TLK1: variants seen among roughly 807,000 people sequenced by gnomAD.
TLK1 encodes tousled like kinase 1.
A neutral mutation model predicts 105.3 loss-of-function variants in TLK1; 24 were observed. That is an observed-to-expected ratio of 0.23 (90% CI 0.17 to 0.32). TLK1 has a LOEUF of 0.32. Ranked by LOEUF, TLK1 falls within the 10% of genes least tolerant of loss-of-function variation. The pLI, the probability that TLK1 is intolerant of heterozygous loss-of-function variation, is 1.00. For missense variants in TLK1, 558 were observed against 910.5 expected (o/e 0.61, Z 4.98); for synonymous variants, 321 against 310.4 (o/e 1.03, Z -0.36).
chr2:171,024,600 T>C (rs1685688460), intron 12 of TLK1, among the ~76,000 whole-genome samples: 2 of 152,288 alleles, frequency 1.3e-5, no homozygotes, highest in Admixed American at 6.5e-5. Context: ...AAGAATCAAC[T>C]TACTATTAAT....
intron 6 of TLK1, 27 bp from the exon 7 acceptor site, chr2:171,055,199 T>C: frequency 1.8e-6 from 2 of 1,109,864 alleles, no homozygotes; most frequent in Non-Finnish European, 2.4e-6. Context: ...AATTTTTATA[T>C]TAGCAAAAAA....
chr2:171,047,873 C>T (rs914002975), intron 10 of TLK1, among the ~76,000 whole-genome samples: 13 of 152,252 alleles, frequency 8.5e-5, no homozygotes, highest in Admixed American at 7.2e-4. Context: ...CAATTATAAA[C>T]GGCTTGATAT....
intron 12 of TLK1, among the ~76,000 whole-genome samples, chr2:171,018,337 T>A (rs1685305834): frequency 6.6e-6 from 1 of 152,260 alleles, no homozygotes. Flanking sequence ...AGGTGCCCAG[T>A]CTGATATTTT....
intron 1 of TLK1, among the ~76,000 whole-genome samples, chr2:171,132,830 A>G (rs1346213540): frequency 3.3e-5 from 5 of 152,224 alleles, no homozygotes; most frequent in African/African-American, 1.2e-4. Flanking sequence ...ACGCCACTGC[A>G]TTCCAGCCTA....
intron 14 of TLK1, among the ~76,000 whole-genome samples, chr2:171,011,104 T>C (rs1684895878): frequency 6.6e-6 from 1 of 152,110 alleles, no homozygotes; most frequent in Admixed American, 6.5e-5. Context: ...TCCTGGACTC[T>C]GCAATACTCC....
chr2:171,205,470 A>G (rs1157998250), intron 1 of TLK1, among the ~76,000 whole-genome samples: 1 of 152,010 alleles, frequency 6.6e-6, no homozygotes, highest in Non-Finnish European at 1.5e-5. Context: ...CTACAGGTGC[A>G]TGCCACTACA....
intron 2 of TLK1, among the ~76,000 whole-genome samples, 154 bp from the exon 3 acceptor site, chr2:171,083,006 T>C (rs1364006909): frequency 6.6e-6 from 1 of 152,128 alleles, no homozygotes; most frequent in Non-Finnish European, 1.5e-5. Flanking sequence ...GAGGTAAAAA[T>C]AAGAAATACT....
Position 170,992,727 on chromosome 2 carries a change from G to T in TLK1, c.*1053C>A, listed in dbSNP as rs1178401636. 2.6e-5 allele frequency: 4 copies of T among 152,362 alleles called. No homozygotes were observed. The highest frequency in any genetic ancestry group is 9.7e-5 in the African/African-American group (4 of 41,372). The allele number at this position is 152,362 out of a possible 1,614,324, so 9.4% of individuals were successfully genotyped here. ...TGTACAGTCAACTTGCACCTTCTAGGTCATTTAATTTTTTAGCAAAGAAGC... is the reference window on the plus strand; with the variant it reads ...TGTACAGTCAACTTGCACCTTCTAGTTCATTTAATTTTTTAGCAAAGAAGC... On this transcript the variant is annotated 3_prime_UTR_variant, in exon 21 of 21. Transcript: ENST00000431350.
chr2:171,228,470 G>A (rs1339017050), intron 1 of TLK1, among the ~76,000 whole-genome samples: 1 of 152,192 alleles, frequency 6.6e-6, no homozygotes, highest in East Asian at 1.9e-4. Flanking sequence ...AGGACTGCTT[G>A]AGCCCAGGAG....
chr2:171,156,066 A>G (rs1692220635), intron 1 of TLK1, among the ~76,000 whole-genome samples: 1 of 152,176 alleles, frequency 6.6e-6, no homozygotes, highest in African/African-American at 2.4e-5. Context: ...ATATGCTTTC[A>G]CATTGTCAGT....
At chr2:171,016,362 G>A (rs1431760351) in intron 12 of TLK1, among the ~76,000 whole-genome samples, 2 of 152,068 alleles carry the variant, frequency 1.3e-5, no homozygotes, top group East Asian at 1.9e-4. Context: ...CTGAACTCCC[G>A]AGCTCAACGG....
chr2:171,011,534 T>C, intron 13 of TLK1, 80 bp from the exon 14 acceptor site: 2 of 1,134,582 alleles, frequency 1.8e-6, no homozygotes, highest in African/African-American at 1.6e-5. Context: ...TACTCTCTTA[T>C]TCTATTCCTA....
chr2:171,008,283 G>C (rs1684737671), intron 14 of TLK1, among the ~76,000 whole-genome samples: 1 of 152,102 alleles, frequency 6.6e-6, no homozygotes, highest in African/African-American at 2.4e-5. Flanking sequence ...AGGATTAAAT[G>C]GGGGTAAAAC....
chr2:171,192,780 T>G (rs141190255), intron 1 of TLK1, among the ~76,000 whole-genome samples: 3 of 152,316 alleles, frequency 2.0e-5, no homozygotes, highest in Non-Finnish European at 4.4e-5. Flanking sequence ...AGGTTAGAGA[T>G]AGTTTAAGAG....
At chr2:171,006,334 CT>C in intron 17 of TLK1, 52 bp from the exon 18 acceptor site, 1 of 1,501,192 alleles carries the variant, frequency 6.7e-7, no homozygotes, top group Non-Finnish European at 8.9e-7. Context: ...AAAAACATAA[CT>C]TTAATAACTT....
rs767298541 is a variant in TLK1 at position 171,160,241 on chromosome 2, G to A, written c.139+49C>T. 171 of 1,339,580 alleles carry A rather than the reference G, an allele frequency of 1.3e-4. 3 individuals are homozygous for A. Among genetic ancestry groups the A allele is most frequent in the Non-Finnish European group, 1.5e-4 (155 of 1,044,924 alleles). 83.0% of individuals were successfully genotyped at this position (1,339,580 alleles called of 1,614,324 possible). A position where few individuals can be genotyped will look rare whatever the true frequency, so the allele number is the denominator to read the frequency against. On this transcript the variant is annotated intron_variant, in intron 1 of 20. Transcript: ENST00000431350. This position sits in a 1 kb window ranked among gnomAD's most constrained non-coding sequence, Gnocchi z 4.4. Reference sequence around the variant, plus strand: ...GCGGGGGGGGGGCGCGGGGGTCCGCGGCGCGGGAGAGGAGGCCCGCGAGCG... The same window carrying A: ...GCGGGGGGGGGGCGCGGGGGTCCGCAGCGCGGGAGAGGAGGCCCGCGAGCG...
chr2:171,117,179 G>C (rs958448863), intron 2 of TLK1, among the ~76,000 whole-genome samples: 2 of 152,170 alleles, frequency 1.3e-5, no homozygotes, highest in African/African-American at 4.8e-5. Context: ...TCAGGCATTA[G>C]ATTCTCATAA....
rs1683819705 is a variant in TLK1, at chr2:170,992,363, T to C, written c.*1417A>G. On this transcript the variant is annotated 3_prime_UTR_variant, in exon 21 of 21. Coordinates refer to ENST00000431350, the MANE Select transcript of TLK1 (RefSeq NM_012290.5). ...TTTTCTGCAACATGAACAACTTACA[T>C]GTAAGTATCAGCATTATGAATGTGA... is the stretch of plus-strand genomic sequence containing the variant. The C allele has an allele frequency of 6.6e-6, 1 of 152,438 alleles. No homozygotes were observed. Among genetic ancestry groups the C allele is most frequent in the African/African-American group, 2.4e-5 (1 of 41,456 alleles). The allele number at this position is 152,438 out of a possible 1,614,324, so 9.4% of individuals were successfully genotyped here. A position where few individuals can be genotyped will look rare whatever the true frequency, so the allele number is the denominator to read the frequency against.
intron 1 of TLK1, among the ~76,000 whole-genome samples, chr2:171,225,122 TA>T (rs57638437): frequency 7.4e-6 from 1 of 135,996 alleles, no homozygotes; most frequent in Non-Finnish European, 1.5e-5. Context: ...CAGGTAATGA[TA>T]AAAAAAATAC....
Sources: allele counts gnomAD v4.1 joint callset (sites outside exome capture counted in the v4.1 genomes callset), GRCh38; gene constraint gnomAD v4.1.1; non-coding constraint Gnocchi (gnomAD v3.1); transcripts MANE v1.5; gene names NCBI Gene and HGNC (gene_info 2026-07-23, HGNC 2026-07-21).